YME1L1: variants seen among roughly 807,000 people sequenced by gnomAD.
The protein encoded by YME1L1 is YME1 like 1 ATPase.
Under a neutral mutation model 90.4 loss-of-function variants are expected in YME1L1, and 39 were observed. The ratio of observed to expected loss-of-function variants is 0.43; its 90% CI spans 0.33 to 0.56. The LOEUF is 0.56. Ranked by LOEUF, YME1L1 falls within the 20% of genes least tolerant of loss-of-function variation. YME1L1 has a pLI of 0.03. For missense variants in YME1L1, 617 were observed against 868.4 expected (o/e 0.71, Z 3.64); for synonymous variants, 284 against 287.3 (o/e 0.99, Z 0.12).
intron 5 of YME1L1, 63 bp downstream of exon 5, chr10:27,136,213 G>T: frequency 7.6e-7 from 1 of 1,309,744 alleles, no homozygotes; most frequent in Non-Finnish European, 1.1e-6. Context: ...ATCAGATATT[G>T]AAGCTCCTCA....
chr10:27,144,713 C>T (rs1208326148), intron 3 of YME1L1, among the ~76,000 whole-genome samples: 1 of 152,160 alleles, frequency 6.6e-6, no homozygotes, highest in Non-Finnish European at 1.5e-5. Context: ...AACAACGCCC[C>T]CCCATTCTGC....
chr10:27,128,954 T>A (rs139261472), intron 8 of YME1L1, among the ~76,000 whole-genome samples: 75 of 151,310 alleles, frequency 5.0e-4, no homozygotes, highest in Middle Eastern at 6.8e-3. Context: ...AGTGTGGTGG[T>A]GCATGCCTGT....
chr10:27,124,792 G>T lies in YME1L1; in HGVS notation c.950-1093C>A, dbSNP rs190213571. Among the ~76,000 whole-genome samples the T allele has an allele frequency of 1.6e-4, 25 of 152,274 alleles. No individual in the cohort carries two copies. The East Asian group carries it at 4.2e-3, about 26-fold the overall frequency. On this transcript the variant is annotated intron_variant, in intron 9 of 18. Coordinates refer to ENST00000376016, the MANE Select transcript of YME1L1 (RefSeq NM_014263.4). Reference sequence around the variant, plus strand: ...CTGTGATGTTTAAATAAATGTAAAGGTGGTATGTGGAATGTCTCCTGATAT... The same window carrying T: ...CTGTGATGTTTAAATAAATGTAAAGTTGGTATGTGGAATGTCTCCTGATAT...
At chr10:27,144,846 A>G (rs2057125507) in intron 3 of YME1L1, among the ~76,000 whole-genome samples, 1 of 152,240 alleles carries the variant, frequency 6.6e-6, no homozygotes, top group Admixed American at 6.5e-5. Context: ...AGTTAAAAAT[A>G]AGGTACCAAT....
At chr10:27,138,001 A>G (rs143296500) in intron 4 of YME1L1, among the ~76,000 whole-genome samples, 4 of 151,860 alleles carry the variant, frequency 2.6e-5, no homozygotes, top group African/African-American at 9.7e-5. Context: ...CTTACTTCTA[A>G]TATTTTCAGT....
At chr10:27,146,071 G>A (rs1300150236) in intron 2 of YME1L1, 1 of 152,774 alleles carries the variant, frequency 6.5e-6, no homozygotes, top group African/African-American at 2.4e-5. Context: ...AGGTCCAGGG[G>A]ATTTTCCCCA....
At chr10:27,117,883 G>T (rs913824856) in intron 14 of YME1L1, among the ~76,000 whole-genome samples, 156 bp from the exon 15 acceptor site, 3 of 152,108 alleles carry the variant, frequency 2.0e-5, no homozygotes, top group African/African-American at 7.2e-5. Flanking sequence ...CTATGGGGAA[G>T]AGGAACAATA....
At chr10:27,116,166 C>T (rs2056810787) in intron 16 of YME1L1, 33 bp from the exon 17 acceptor site, 10 of 1,613,300 alleles carry the variant, frequency 6.2e-6, no homozygotes, top group Non-Finnish European at 8.5e-6. Context: ...CATTTTAAAA[C>T]ATATCTTTAA....
chr10:27,123,709 A>T lies in YME1L1; in HGVS notation c.950-10T>A. On this transcript the variant is annotated splice_polypyrimidine_tract_variant and intron_variant, in intron 9 of 18. Transcript: ENST00000376016. ...CCAACTAAAAGAATTCCTAAAAGAA[A>T]ATGAAAACGAGAATGATTCAAAGTA... The T allele has an allele frequency of 6.3e-7, 1 of 1,585,190 alleles. No individual in the cohort carries two copies. Among genetic ancestry groups the T allele is most frequent in the Non-Finnish European group, 8.5e-7 (1 of 1,170,080 alleles).
intron 2 of YME1L1, 159 bp from the exon 3 acceptor site, chr10:27,145,749 G>A (rs907648817): frequency 9.5e-6 from 6 of 631,270 alleles, no homozygotes; most frequent in African/African-American, 7.4e-5. Context: ...TATTTTCACA[G>A]TTCGTTTTAC....
chr10:27,129,544 G>A (rs899636808), intron 8 of YME1L1, among the ~76,000 whole-genome samples: 5 of 152,076 alleles, frequency 3.3e-5, no homozygotes, highest in African/African-American at 7.2e-5. Flanking sequence ...CTCAGATCAC[G>A]TACTTCAAAT....
chr10:27,151,698 G>T (rs569825775), intron 1 of YME1L1, among the ~76,000 whole-genome samples: 1 of 152,164 alleles, frequency 6.6e-6, no homozygotes, highest in Admixed American at 6.5e-5. Context: ...TGGCTAACAC[G>T]GTGAAACCCC....
intron 2 of YME1L1, among the ~76,000 whole-genome samples, chr10:27,148,365 G>T (rs1172123925): frequency 6.6e-6 from 1 of 151,988 alleles, no homozygotes; most frequent in Non-Finnish European, 1.5e-5. Context: ...ACCACACCCG[G>T]CTAATTTTTG....
At chr10:27,139,831 G>A (rs963487532) in intron 4 of YME1L1, among the ~76,000 whole-genome samples, 7 of 151,992 alleles carry the variant, frequency 4.6e-5, no homozygotes, top group African/African-American at 1.7e-4. Context: ...AATACTGTCT[G>A]TATTTTCCTG....
intron 8 of YME1L1, among the ~76,000 whole-genome samples, chr10:27,131,350 T>C (rs554266785): frequency 7.1e-6 from 1 of 141,094 alleles, no homozygotes; most frequent in Admixed American, 6.9e-5. Flanking sequence ...AAATAGGGCC[T>C]AGCACTTAAT....
At chr10:27,139,133 A>G (rs1453053255) in intron 4 of YME1L1, among the ~76,000 whole-genome samples, 2 of 152,116 alleles carry the variant, frequency 1.3e-5, no homozygotes, top group Non-Finnish European at 2.9e-5. Flanking sequence ...AGTGAAACAC[A>G]TCTATTTTGT....
At chr10:27,114,371 T>G in intron 18 of YME1L1, 150 bp downstream of exon 18, 1 of 587,008 alleles carries the variant, frequency 1.7e-6, no homozygotes. Context: ...TTTTTTAATT[T>G]TTTCCCCAGA....
At position 27,143,699 on chromosome 10, in the gene YME1L1, T is replaced by TAAAAAAA. The variant is rs10671752; in HGVS notation, c.332-1221_332-1215dup. On this transcript the variant is annotated intron_variant, in intron 3 of 18. Transcript: ENST00000376016. ...GGCAACACAGCAAGACTCGTCTCTT[T>TAAAAAAA]AAAAAAAAAAAAAAAAAGATGTACT... Among the ~76,000 whole-genome samples, 57 of 134,318 alleles carry TAAAAAAA rather than the reference T, an allele frequency of 4.2e-4. 1 individual carries two copies. Among genetic ancestry groups the TAAAAAAA allele is most frequent in the East Asian group, 9.1e-4 (4 of 4,408 alleles). The allele number at this position is 134,318 out of a possible 152,430, so 88.1% of individuals were successfully genotyped here.
chr10:27,149,713 A>G (rs1314104643), intron 1 of YME1L1, among the ~76,000 whole-genome samples: 1 of 91,022 alleles, frequency 1.1e-5, no homozygotes, highest in East Asian at 3.1e-4. Flanking sequence ...CTGTCTCTCA[A>G]AAAAAAAAAA....
Sources: gnomAD v4.1 joint callset for allele counts (sites outside exome capture counted in the v4.1 genomes callset) on GRCh38, gnomAD v4.1.1 for gene constraint, MANE v1.5 for transcripts, NCBI Gene and HGNC (gene_info 2026-07-23, HGNC 2026-07-21) for gene names.